POGZ: variants seen among roughly 807,000 people sequenced by gnomAD.
POGZ encodes the protein pogo transposable element with ZNF domain.
In POGZ, 17 loss-of-function variants were observed where a neutral mutation model predicts 134.6. The observed-to-expected ratio is 0.13, with a 90% CI of 0.09 to 0.19. The LOEUF (loss-of-function observed/expected upper bound fraction) is 0.19. POGZ is among the 10% of genes least tolerant of loss of function. The pLI is 1.00. For synonymous variants in POGZ, 693 were observed against 657.1 expected (o/e 1.05, Z -0.84); for missense variants, 1,306 against 1,769.7 (o/e 0.74, Z 4.70).
rs1038477997 is a variant in POGZ at position 151,419,042 on chromosome 1, A to AG, written c.1678+4354_1678+4355insC. On this transcript the variant is annotated intron_variant, in intron 10 of 18. Transcript: ENST00000271715. ...TCTGTCTCAAAAAAAAAAAAAAAAAAAAAAGAAAAAAAGAAAAAAAGTTAC... is the reference window on the plus strand; with the variant it reads ...TCTGTCTCAAAAAAAAAAAAAAAAAAGAAAAGAAAAAAAGAAAAAAAGTTAC... 1.0e-4 allele frequency among the ~76,000 whole-genome samples: 15 copies of AG among 149,874 alleles called. 1 individual carries two copies. In the South Asian group the frequency reaches 1.1e-3, roughly 11 times the overall value.
intron 1 of POGZ, among the ~76,000 whole-genome samples, chr1:151,452,594 A>G (rs1374776199): frequency 2.0e-5 from 3 of 152,056 alleles, no homozygotes; most frequent in South Asian, 4.1e-4. Context: ...CACCAGGCGC[A>G]GTGGCTCACG....
Position 151,406,089 on chromosome 1 carries a change from C to G in POGZ, c.2946G>C (p.Leu982=). The change falls in exon 19 of 19, where the codon CTG becomes CTC. Residue 982 remains leucine, a synonymous_variant. Transcript: ENST00000271715. ...QLSVKKLRVV[L]FALCCNTEQA... is the part of the protein sequence containing the mutation. The stretch of plus-strand genomic sequence containing the variant: ...GTTCTGTATTGCAGCATAGAGCAAA[C>G]AGTACTACTCGAAGCTTCTTCACAG... The G allele has an allele frequency of 1.2e-6, 2 of 1,614,232 alleles. No homozygotes were observed. The highest frequency in any genetic ancestry group is 1.1e-5 in the South Asian group (1 of 91,090).
intron 1 of POGZ, among the ~76,000 whole-genome samples, chr1:151,445,323 A>G (rs1178098153): frequency 6.6e-6 from 1 of 152,048 alleles, no homozygotes; most frequent in African/African-American, 2.4e-5. Flanking sequence ...GGAGTTCCAG[A>G]CCAGCCTGGC....
chr1:151,411,350 C>CTAA (rs1274835648), intron 12 of POGZ, among the ~76,000 whole-genome samples: 1 of 152,182 alleles, frequency 6.6e-6, no homozygotes, highest in Admixed American at 6.5e-5. Context: ...GGAAGCCTTA[C>CTAA]TAGGCACCCA....
At chr1:151,419,219 G>T (rs1656394386) in intron 10 of POGZ, among the ~76,000 whole-genome samples, 1 of 151,828 alleles carries the variant, frequency 6.6e-6, no homozygotes, top group Middle Eastern at 3.4e-3. Context: ...AAAATTAACT[G>T]GGCATGGTGG....
chr1:151,438,181 A>G (rs967539988), intron 3 of POGZ, among the ~76,000 whole-genome samples: 1 of 152,130 alleles, frequency 6.6e-6, no homozygotes, highest in African/African-American at 2.4e-5. Flanking sequence ...ACTGCACTCC[A>G]GCCTGAGTGA....
At chr1:151,459,093 G>C (rs908226661) in intron 1 of POGZ, 59 bp downstream of exon 1, 46 of 147,450 alleles carry the variant, frequency 3.1e-4, no homozygotes, top group African/African-American at 1.1e-3. Flanking sequence ...CGAGCGAAAA[G>C]ATAACGGAAC....
At chr1:151,455,201 T>C (rs187090454) in intron 1 of POGZ, 16 of 152,332 alleles carry the variant, frequency 1.1e-4, no homozygotes, top group Admixed American at 2.6e-4. Flanking sequence ...ATTGATATTA[T>C]GGCAAAGGCA....
intron 7 of POGZ, chr1:151,426,509 A>C (rs1008329153): frequency 6.6e-6 from 1 of 152,104 alleles, no homozygotes; most frequent in Non-Finnish European, 1.5e-5. Context: ...TTTTTTAAAA[A>C]GGTTGTTTGG....
intron 1 of POGZ, among the ~76,000 whole-genome samples, chr1:151,444,234 C>T (rs1293922820): frequency 6.6e-6 from 1 of 152,116 alleles, no homozygotes; most frequent in African/African-American, 2.4e-5. Flanking sequence ...TCTAAGGGAT[C>T]AACTTACTTA....
chr1:151,446,254 GAAAAAA>G (rs142998370), intron 1 of POGZ, among the ~76,000 whole-genome samples: 32 of 39,196 alleles, frequency 8.2e-4, no homozygotes, highest in Non-Finnish European at 1.4e-3. Context: ...TTCTCATAAG[GAAAAAA>G]AAAAAAAAAA....
chr1:151,426,617 G>A (rs1404198447), intron 7 of POGZ: 1 of 151,984 alleles, frequency 6.6e-6, no homozygotes, highest in Non-Finnish European at 1.5e-5. Context: ...CCCATTCTGT[G>A]GCTTCCCTTT....
In POGZ at chr1:151,412,377, T is replaced by C. The variant is rs745392992; in HGVS notation, c.1698A>G (p.Glu566=). Residue 566 remains glutamate, a synonymous_variant, in exon 11 of 19, where the codon GAA becomes GAG. Coordinates refer to ENST00000271715, the MANE Select transcript of POGZ (RefSeq NM_015100.4). ...YESTTKCKIC[E]WAFESEPLFL... is the part of the protein sequence containing the mutation. The stretch of plus-strand genomic sequence containing the variant: ...ATAGTGGCTCACTTTCAAACGCCCA[T>C]TCACAGATCTTGCACTTGGCTGTAA... 33 of 1,604,530 alleles carry C rather than the reference T, an allele frequency of 2.1e-5. 2 individuals carry two copies. In the South Asian group the frequency reaches 3.4e-4, roughly 17 times the overall value.
At chr1:151,456,657 A>T (rs1662808254) in intron 1 of POGZ, among the ~76,000 whole-genome samples, 1 of 152,188 alleles carries the variant, frequency 6.6e-6, no homozygotes, top group Non-Finnish European at 1.5e-5. Context: ...AAAAGCTAAG[A>T]CTTAATAATA....
chr1:151,435,489 G>C (rs1009815554), intron 3 of POGZ, among the ~76,000 whole-genome samples: 1 of 133,364 alleles, frequency 7.5e-6, no homozygotes, highest in African/African-American at 2.6e-5. Context: ...TTTTATTCCT[G>C]ATACTTTCCT....
chr1:151,443,638 T>TGGGA (rs1213310445), intron 1 of POGZ, among the ~76,000 whole-genome samples: 1 of 151,950 alleles, frequency 6.6e-6, no homozygotes, highest in Non-Finnish European at 1.5e-5. Flanking sequence ...CGCTTGAACA[T>TGGGA]GGGAGTGGAG....
At chr1:151,453,998 ATC>A (rs746183937) in intron 1 of POGZ, among the ~76,000 whole-genome samples, 6 of 152,212 alleles carry the variant, frequency 3.9e-5, no homozygotes, top group Admixed American at 6.5e-5. Context: ...TGAGAAAAAG[ATC>A]TGTTTTCCAC....
chr1:151,417,688 C>CCACACACACACACA (rs59753677), intron 10 of POGZ, among the ~76,000 whole-genome samples: 4 of 137,464 alleles, frequency 2.9e-5, no homozygotes, highest in African/African-American at 1.1e-4. Flanking sequence ...GGTACTGTGG[C>CCACACACACACACA]CACACACACA....
chr1:151,410,867 TGC>T (rs1654544332), intron 12 of POGZ, among the ~76,000 whole-genome samples: 1 of 152,218 alleles, frequency 6.6e-6, no homozygotes, highest in South Asian at 2.1e-4. Flanking sequence ...TCTTAACTAC[TGC>T]ATTGCTACCT....
Sources: gnomAD v4.1 joint callset for allele counts (sites outside exome capture counted in the v4.1 genomes callset) on GRCh38, gnomAD v4.1.1 for gene constraint, MANE v1.5 for transcripts, NCBI Gene and HGNC (gene_info 2026-07-23, HGNC 2026-07-21) for gene names.